Variants in TPD52 observed in about 807,000 individuals in gnomAD.
The protein encoded by TPD52 is tumor protein D52.
A neutral mutation model predicts 31.3 loss-of-function variants in TPD52; 17 were observed. The ratio of observed to expected loss-of-function variants is 0.54; its 90% confidence interval spans 0.37 to 0.82. The LOEUF (loss-of-function observed/expected upper bound fraction) is 0.82. TPD52 is among the 40% of genes least tolerant of loss of function. TPD52 has a pLI of 0.00. For missense variants in TPD52, 212 were observed against 240.1 expected (o/e 0.88, Z 0.77); for synonymous variants, 83 against 89.6 (o/e 0.93, Z 0.42).
At chr8:80,162,167 C>T (rs1345376917) in intron 1 of TPD52, among the ~76,000 whole-genome samples, 1 of 152,056 alleles carries the variant, frequency 6.6e-6, no homozygotes, top group Non-Finnish European at 1.5e-5. Context: ...AGTGTCTAAA[C>T]AGAAAAGACA....
At chr8:80,087,661 G>T (rs1815918673) in intron 1 of TPD52, among the ~76,000 whole-genome samples, 1 of 152,176 alleles carries the variant, frequency 6.6e-6, no homozygotes, top group Non-Finnish European at 1.5e-5. Context: ...GGCCCCTTCT[G>T]AGAGCTGGAA....
At chr8:80,125,396 T>G (rs1808533968) in intron 1 of TPD52, among the ~76,000 whole-genome samples, 1 of 152,068 alleles carries the variant, frequency 6.6e-6, no homozygotes, top group Non-Finnish European at 1.5e-5. Context: ...CCAGCCTGAG[T>G]GACAGAGAGA....
intron 1 of TPD52, among the ~76,000 whole-genome samples, chr8:80,100,459 G>T (rs1313598343): frequency 6.6e-6 from 1 of 152,190 alleles, no homozygotes; most frequent in Non-Finnish European, 1.5e-5. Flanking sequence ...ATTGTTTTCG[G>T]AACAGAAACT....
rs1368439810 is a variant in TPD52 at position 80,072,363 on chromosome 8, A to G, written c.20-7770T>C. 3.2e-3 allele frequency among the ~76,000 whole-genome samples: 356 copies of G among 112,120 alleles called. 15 individuals are homozygous for G. The highest frequency in any genetic ancestry group is 9.9e-3 in the African/African-American group (310 of 31,232). 73.6% of individuals were successfully genotyped at this position (112,120 alleles called of 152,430 possible). On this transcript the variant is annotated intron_variant, in intron 1 of 7. Transcript: ENST00000518937. ...TGTGTGTGTGTATGTGTGTATATAC[A>G]TGTACACATAGATATGCGTGTATAT...
At chr8:80,108,764 T>G (rs1277765865) in intron 1 of TPD52, among the ~76,000 whole-genome samples, 1 of 152,196 alleles carries the variant, frequency 6.6e-6, no homozygotes, top group East Asian at 1.9e-4. Context: ...AAAATAATGT[T>G]TTTATGACTT....
At chr8:80,042,485 A>G in intron 7 of TPD52, 135 bp downstream of exon 7, 1 of 1,440,820 alleles carries the variant, frequency 6.9e-7, no homozygotes, top group Non-Finnish European at 9.1e-7. Flanking sequence ...TCCACTAGTA[A>G]CATAAGGAGT....
intron 1 of TPD52, among the ~76,000 whole-genome samples, chr8:80,135,073 A>G (rs1374241694): frequency 6.6e-6 from 1 of 152,168 alleles, no homozygotes; most frequent in Non-Finnish European, 1.5e-5. Context: ...TGCCAGGCAG[A>G]GGTATTACAG....
chr8:80,057,204 T>A (rs911338204), intron 2 of TPD52, among the ~76,000 whole-genome samples: 3 of 151,812 alleles, frequency 2.0e-5, no homozygotes, highest in African/African-American at 7.3e-5. Flanking sequence ...AAAACACACA[T>A]CCATACAAAA....
At chr8:80,101,063 G>A (rs555570205) in intron 1 of TPD52, among the ~76,000 whole-genome samples, 74 of 152,332 alleles carry the variant, frequency 4.9e-4, no homozygotes, top group African/African-American at 1.4e-3. Context: ...ACTATTGAAC[G>A]TATTAGCAGC....
intron 1 of TPD52, among the ~76,000 whole-genome samples, chr8:80,082,957 A>T (rs1475271479): frequency 6.6e-6 from 1 of 152,202 alleles, no homozygotes; most frequent in Non-Finnish European, 1.5e-5. Flanking sequence ...GGCTCTTTGA[A>T]CCAGTTTTTG....
At chr8:80,101,448 C>CAAAAAAAAAA (rs113660828) in intron 1 of TPD52, among the ~76,000 whole-genome samples, 10 of 114,724 alleles carry the variant, frequency 8.7e-5, no homozygotes, top group African/African-American at 2.9e-4. Context: ...ACTCCCAGCT[C>CAAAAAAAAAA]AAAAAAAAAA....
rs532297301 is a variant in TPD52 at position 80,061,372 on chromosome 8, C to T, written c.135+3106G>A. Among the ~76,000 whole-genome samples, 6 of 110,988 alleles carry T rather than the reference C, an allele frequency of 5.4e-5. No homozygotes were observed. The South Asian group carries it at 2.3e-3, about 42-fold the overall frequency. 72.8% of individuals were successfully genotyped at this position (110,988 alleles called of 152,430 possible). On this transcript the variant is annotated intron_variant, in intron 2 of 7. Coordinates refer to ENST00000518937, the MANE Select transcript of TPD52 (RefSeq NM_001025253.3). ...AGAGTGAAACTCCATACCTTCCCCC[C>T]CACCGCCCCCCCCAAAAAAAAAAGA...
chr8:80,093,804 C>T (rs2130895242), intron 1 of TPD52, among the ~76,000 whole-genome samples: 1 of 152,312 alleles, frequency 6.6e-6, no homozygotes, highest in South Asian at 2.1e-4. Flanking sequence ...TCTGAACCTG[C>T]TACTCTGGTT....
chr8:80,061,385 C>G (rs34553805), intron 2 of TPD52, among the ~76,000 whole-genome samples: 1 of 102,168 alleles, frequency 9.8e-6, no homozygotes, highest in South Asian at 3.5e-4. Flanking sequence ...CCGCCCCCCC[C>G]AAAAAAAAAA....
chr8:80,086,468 AT>A (rs1022023355), intron 1 of TPD52, among the ~76,000 whole-genome samples: 2 of 152,014 alleles, frequency 1.3e-5, no homozygotes, highest in African/African-American at 4.8e-5. Context: ...AAAAACATCG[AT>A]GTCATAAAGG....
chr8:80,102,041 G>A (rs1221166802), intron 1 of TPD52, among the ~76,000 whole-genome samples: 2 of 152,192 alleles, frequency 1.3e-5, no homozygotes, highest in Admixed American at 6.5e-5. Context: ...GAATGAAGGA[G>A]TACAACTCGA....
At chr8:80,120,317 T>C (rs1808172438) in intron 1 of TPD52, among the ~76,000 whole-genome samples, 1 of 152,048 alleles carries the variant, frequency 6.6e-6, no homozygotes, top group Non-Finnish European at 1.5e-5. Context: ...GGCAAAACCC[T>C]GTCTCTACTG....
chr8:80,101,730 G>A (rs1011914430), intron 1 of TPD52, among the ~76,000 whole-genome samples: 4 of 152,090 alleles, frequency 2.6e-5, no homozygotes, highest in South Asian at 2.1e-4. Flanking sequence ...GCCAGCTCTC[G>A]TGTGAACCAA....
chr8:80,099,018 A>G (rs935984335), intron 1 of TPD52, among the ~76,000 whole-genome samples: 4 of 152,098 alleles, frequency 2.6e-5, no homozygotes, highest in Non-Finnish European at 5.9e-5. Flanking sequence ...TAAGTGCACA[A>G]TTTTGTTTTG....
Sources: allele counts gnomAD v4.1 joint callset (sites outside exome capture counted in the v4.1 genomes callset), GRCh38; gene constraint gnomAD v4.1.1; transcripts MANE v1.5; gene names NCBI Gene and HGNC (gene_info 2026-07-23, HGNC 2026-07-21).